Variants in CCDC88C observed in about 807,000 individuals in gnomAD.
CCDC88C encodes coiled-coil and HOOK domain protein 88C, also known as protein Daple.
In CCDC88C, 131 loss-of-function variants were observed where a neutral mutation model predicts 198.8. That is an observed-to-expected ratio of 0.66 (90% CI 0.57 to 0.76). The LOEUF (loss-of-function observed/expected upper bound fraction) is 0.76, where lower values mean the gene tolerates loss of function less well. Ranked by LOEUF, CCDC88C falls within the 30% of genes least tolerant of loss-of-function variation. The pLI, the probability that CCDC88C is intolerant of heterozygous loss-of-function variation, is 0.00. For synonymous variants in CCDC88C, 1,166 were observed against 1,114.7 expected, an observed-to-expected ratio of 1.05 and a Z score of -0.92; for missense variants, 2,553 against 2,631.6, an observed-to-expected ratio of 0.97 and a Z score of 0.65.
chr14:91,414,507 C>T (rs993172351), intron 2 of CCDC88C, among the ~76,000 whole-genome samples: 1 of 152,202 alleles, frequency 6.6e-6, no homozygotes, highest in African/African-American at 2.4e-5. Flanking sequence ...ACTCCAGCCA[C>T]TCTGCAGGAC....
At chr14:91,292,637 G>A (rs1047352019) in intron 23 of CCDC88C, among the ~76,000 whole-genome samples, 1 of 152,052 alleles carries the variant, frequency 6.6e-6, no homozygotes, top group African/African-American at 2.4e-5. Flanking sequence ...CAGTGACCAC[G>A]TCCCACCACA....
At chr14:91,358,978 ACTCTCTTGT>A (rs1894170813) in intron 4 of CCDC88C, among the ~76,000 whole-genome samples, 1 of 151,848 alleles carries the variant, frequency 6.6e-6, no homozygotes, top group African/African-American at 2.4e-5. Context: ...AGAGATTCTT[ACTCTCTTGT>A]CTAAGGTACC....
At chr14:91,331,699 C>T (rs1333000055) in intron 10 of CCDC88C, among the ~76,000 whole-genome samples, 1 of 152,218 alleles carries the variant, frequency 6.6e-6, no homozygotes, top group African/African-American at 2.4e-5. Context: ...GGGCAGCTCC[C>T]TGTTGGGGAG....
At chr14:91,374,007 C>A (rs1000561730) in intron 3 of CCDC88C, among the ~76,000 whole-genome samples, 1 of 152,196 alleles carries the variant, frequency 6.6e-6, no homozygotes, top group Admixed American at 6.5e-5. Flanking sequence ...GAACTGAGAT[C>A]CTCAGGGTCC....
chr14:91,358,992 G>A (rs1168222878), intron 4 of CCDC88C, among the ~76,000 whole-genome samples: 1 of 152,064 alleles, frequency 6.6e-6, no homozygotes, highest in African/African-American at 2.4e-5. Flanking sequence ...TCTTGTCTAA[G>A]GTACCACACT....
chr14:91,293,558 G>GCCACAGCTGACCTTCCCATCCTCA (rs1890848997), intron 23 of CCDC88C, among the ~76,000 whole-genome samples: 1 of 20,070 alleles, frequency 5.0e-5, no homozygotes, highest in Non-Finnish European at 1.2e-4. Context: ...CTGTCCCCTC[G>GCCACAGCTGACCTTCCCATCCTCA]CCTGCCACGG....
At chr14:91,370,123 G>C (rs1377899915) in intron 3 of CCDC88C, among the ~76,000 whole-genome samples, 1 of 152,242 alleles carries the variant, frequency 6.6e-6, no homozygotes, top group Non-Finnish European at 1.5e-5. Flanking sequence ...TGAGGGCAGA[G>C]CCGCTAACTC....
At position 91,324,837 on chromosome 14, in the gene CCDC88C, T is replaced by C. The variant is rs374647219; in HGVS notation, c.1284A>G (p.Glu428=). 73 of 1,613,542 alleles carry C rather than the reference T, an allele frequency of 4.5e-5. No individual in the cohort carries two copies. The highest frequency in any genetic ancestry group is 6.7e-5 in the East Asian group (3 of 44,902). Residue 428 remains glutamate (E), a synonymous_variant, in exon 12 of 30, where the codon GAA becomes GAG. Coordinates refer to ENST00000389857, the MANE Select transcript of CCDC88C (RefSeq NM_001080414.4). ...LEIAQKQSMN[E]SAHLGWELEQ... Reference sequence around the variant, plus strand: ...CCAGCTCCCAGCCAAGGTGGGCAGATTCGTTCATGCTCTGCTTCTGTGCAA... The same window carrying C: ...CCAGCTCCCAGCCAAGGTGGGCAGACTCGTTCATGCTCTGCTTCTGTGCAA...
Position 91,283,336 on chromosome 14 carries a change from G to A in CCDC88C, c.4623C>T (p.Arg1541=), listed in dbSNP as rs1890278109. 6.2e-7 allele frequency: 1 copy of A among 1,613,030 alleles called. No homozygotes were observed. Among genetic ancestry groups the A allele is most frequent in the African/African-American group, 1.3e-5 (1 of 74,918 alleles). The change falls in exon 26 of 30, where the codon CGC becomes CGT. Residue 1541 remains arginine (R), a synonymous_variant. Transcript: ENST00000389857. The part of the protein sequence containing the change: ...NSTPIARHPG[R]TKGYNSDDNL... ...GAAGGGCCTGTGACTCACCTTTGGTGCGGCCTGGGTGCCGGGCGATGGGGG... is the reference window on the plus strand; with the variant it reads ...GAAGGGCCTGTGACTCACCTTTGGTACGGCCTGGGTGCCGGGCGATGGGGG...
chr14:91,387,442 G>A (rs930821202), intron 3 of CCDC88C, among the ~76,000 whole-genome samples: 8 of 152,136 alleles, frequency 5.3e-5, no homozygotes, highest in Middle Eastern at 3.2e-3. Context: ...CATGTGTGGC[G>A]GGAACCACAC....
chr14:91,395,573 C>T (rs1885791282), intron 3 of CCDC88C, among the ~76,000 whole-genome samples: 1 of 152,122 alleles, frequency 6.6e-6, no homozygotes, highest in Non-Finnish European at 1.5e-5. Flanking sequence ...ACTTTTCTGG[C>T]CTTCGGGTAA....
chr14:91,343,755 C>A, intron 4 of CCDC88C, 98 bp from the exon 5 acceptor site: 1 of 1,397,418 alleles, frequency 7.2e-7, no homozygotes, highest in East Asian at 2.4e-5. Context: ...AAAAAATCAT[C>A]TCTCTACTCT....
rs561346917 is a variant in CCDC88C at position 91,363,763 on chromosome 14, C to T, written c.271-4052G>A. 4.3e-4 allele frequency among the ~76,000 whole-genome samples: 65 copies of T among 152,378 alleles called. No homozygotes were observed. The South Asian group carries it at 9.5e-3, about 22-fold the overall frequency. On this transcript the variant is annotated intron_variant, in intron 3 of 29. Coordinates refer to ENST00000389857, the MANE Select transcript of CCDC88C (RefSeq NM_001080414.4). ...ATCTCCAGGCCCTGAAGGCCACATGCGACTGGTGGCTACTGGGCCCCAACA... is the reference window on the plus strand; with the variant it reads ...ATCTCCAGGCCCTGAAGGCCACATGTGACTGGTGGCTACTGGGCCCCAACA...
At position 91,404,977 on chromosome 14, in the gene CCDC88C, AAG is replaced by A. The variant is rs1596167516; in HGVS notation, c.270+3680_270+3681del. Among the ~76,000 whole-genome samples, 19 of 150,146 alleles carry A rather than the reference AAG, an allele frequency of 1.3e-4. 1 individual carries two copies. The highest frequency in any genetic ancestry group is 2.1e-4 in the South Asian group (1 of 4,786). ...GAGACTCCATCTCAAAAAAAAAAAA[AAG>A]AGAAAAGAAAATGCAGATTCCAGGG... On this transcript the variant is annotated intron_variant, in intron 3 of 29. Coordinates refer to ENST00000389857, the MANE Select transcript of CCDC88C (RefSeq NM_001080414.4).
intron 2 of CCDC88C, among the ~76,000 whole-genome samples, chr14:91,414,426 T>C (rs962311813): frequency 6.6e-6 from 1 of 152,176 alleles, no homozygotes; most frequent in African/African-American, 2.4e-5. Context: ...GTTCATTGTT[T>C]AGTTGAGGTA....
rs1889789530 is a variant in CCDC88C, at chr14:91,272,744, GA to G, written c.5967del (p.His1991ThrfsTer74). ...AKSPGRSPDL[A>X]PHLGRALEDC... ...TCCTCCAGGGCCCGGCCGAGGTGGG[GA>G]GCCAAATCGGGAGACCGACCTGGGC... On this transcript the variant is annotated frameshift_variant, in exon 30 of 30. Transcript: ENST00000389857. LOFTEE classifies it high-confidence loss of function. The G allele has an allele frequency of 1.2e-6, 2 of 1,608,962 alleles. No homozygotes were observed. Among genetic ancestry groups the G allele is most frequent in the African/African-American group, 2.7e-5 (2 of 74,926 alleles).
intron 2 of CCDC88C, among the ~76,000 whole-genome samples, chr14:91,409,695 C>T (rs559523548): frequency 1.1e-4 from 16 of 151,880 alleles, no homozygotes; most frequent in Admixed American, 3.3e-4. Context: ...ACCATGTTGG[C>T]CAGGCTGGTC....
intron 2 of CCDC88C, among the ~76,000 whole-genome samples, chr14:91,413,584 C>T (rs528829469): frequency 9.9e-5 from 15 of 152,264 alleles, no homozygotes; most frequent in African/African-American, 3.4e-4. Context: ...GCAGGCATTC[C>T]CAGGCCTCTC....
chr14:91,363,813 G>A (rs1407338424), intron 3 of CCDC88C, among the ~76,000 whole-genome samples: 1 of 152,278 alleles, frequency 6.6e-6, no homozygotes, highest in Non-Finnish European at 1.5e-5. Context: ...TCCCCCGCGG[G>A]GAATGTGGTG....
Sources: gnomAD v4.1 joint callset for allele counts (sites outside exome capture counted in the v4.1 genomes callset) on GRCh38, gnomAD v4.1.1 for gene constraint, MANE v1.5 for transcripts, NCBI Gene and HGNC (gene_info 2026-07-23, HGNC 2026-07-21) for gene names.